Variants in ESR2 observed in about 807,000 individuals in gnomAD.
ESR2 encodes the protein estrogen receptor beta.
Under a neutral mutation model 49.6 loss-of-function variants are expected in ESR2, and 36 were observed. That is an observed-to-expected ratio of 0.73 (90% CI 0.56 to 0.96). The LOEUF is 0.96. Among genes scored for constraint, ESR2 ranks in the 40% least tolerant of loss-of-function variants. ESR2 has a pLI of 0.00. For missense variants in ESR2, 714 were observed against 693.0 expected (o/e 1.03, Z -0.34); for synonymous variants, 320 against 266.1 (o/e 1.20, Z -1.97).
At chr14:64,259,753 C>T (rs1458645707) in intron 5 of ESR2, among the ~76,000 whole-genome samples, 2 of 152,130 alleles carry the variant, frequency 1.3e-5, no homozygotes, top group South Asian at 2.1e-4. Flanking sequence ...CACTGATTTA[C>T]TCTGTTTGTC....
chr14:64,252,388 G>A (rs2076006964), intron 6 of ESR2, among the ~76,000 whole-genome samples: 1 of 151,650 alleles, frequency 6.6e-6, no homozygotes, highest in African/African-American at 2.4e-5. Flanking sequence ...CAACCAAACT[G>A]ACCTACTCAG....
intron 6 of ESR2, among the ~76,000 whole-genome samples, chr14:64,256,785 A>C (rs1804254540): frequency 6.6e-6 from 1 of 152,210 alleles, no homozygotes; most frequent in African/African-American, 2.4e-5. Context: ...AGAGTGAGTT[A>C]AAGCATGTGA....
At chr14:64,301,982 T>C (rs895696729) in intron 1 of ESR2, among the ~76,000 whole-genome samples, 1 of 151,786 alleles carries the variant, frequency 6.6e-6, no homozygotes, top group African/African-American at 2.4e-5. Flanking sequence ...AGTGAACGGA[T>C]TAAATGCCTG....
At chr14:64,319,529 G>C (rs2077300665) in intron 1 of ESR2, among the ~76,000 whole-genome samples, 1 of 152,118 alleles carries the variant, frequency 6.6e-6, no homozygotes, top group African/African-American at 2.4e-5. Flanking sequence ...AGATATATCT[G>C]ATAAAGGATT....
intron 1 of ESR2, among the ~76,000 whole-genome samples, chr14:64,289,883 C>G (rs2076843850): frequency 6.6e-6 from 1 of 152,194 alleles, no homozygotes; most frequent in African/African-American, 2.4e-5. Flanking sequence ...CATCCCTATT[C>G]TTCTTCCACC....
chr14:64,297,692 G>A (rs1010082974), upstream of ESR2: 3 of 152,224 alleles, frequency 2.0e-5, no homozygotes, highest in Non-Finnish European at 2.9e-5. Context: ...CCGTAGGAAA[G>A]AAACTACCAA....
intron 1 of ESR2, among the ~76,000 whole-genome samples, chr14:64,305,306 A>AAC (rs938166636): frequency 6.6e-6 from 1 of 151,402 alleles, no homozygotes; most frequent in African/African-American, 2.4e-5. Context: ...AAAAAAAAAA[A>AAC]AATTAATTAA....
At chr14:64,324,719 T>G (rs2077368267) in intron 1 of ESR2, among the ~76,000 whole-genome samples, 1 of 152,180 alleles carries the variant, frequency 6.6e-6, no homozygotes. Flanking sequence ...AAGAAGGAAA[T>G]ACTTCCTGAT....
chr14:64,257,421 T>G (rs1007139650), intron 5 of ESR2, 57 bp from the exon 6 acceptor site: 3 of 1,602,860 alleles, frequency 1.9e-6, no homozygotes, highest in African/African-American at 2.7e-5. Context: ...GCTCCCTGTG[T>G]GTGTAGAGAC....
chr14:64,280,116 C>T lies in ESR2; in HGVS notation c.400G>A (p.Ala134Thr), dbSNP rs774742997. ...GAACCTGGACCAGTAACAGGGCTGG[C>T]GCAACGGTTCCCACTAACCTTCCTT... The part of the protein sequence containing the change: ...LKRKVSGNRC[A>T]SPVTGPGSKR... Residue 134 changes from alanine to threonine, a missense_variant, in exon 3 of 9, where the codon GCC (alanine) becomes ACC (threonine). Coordinates refer to ENST00000341099, the MANE Select transcript of ESR2 (RefSeq NM_001437.3). 3.1e-5 allele frequency: 50 copies of T among 1,613,878 alleles called. No individual in the cohort carries two copies. The highest frequency in any genetic ancestry group is 1.6e-4 in the South Asian group (15 of 91,086).
rs1489920793 is a variant in ESR2 at position 64,268,854 on chromosome 14, C to G, written c.593G>C (p.Arg198Pro). 6.2e-7 allele frequency: 1 copy of G among 1,613,968 alleles called. No individual in the cohort carries two copies. Among genetic ancestry groups the G allele is most frequent in the Non-Finnish European group, 8.5e-7 (1 of 1,179,832 alleles). Reference sequence around the variant, plus strand: ...AAGTCGGCAGGCCTGGCAGCTCTTGCGCCGGTTTTTATCGATTGTACACTG... The same window carrying G: ...AAGTCGGCAGGCCTGGCAGCTCTTGGGCCGGTTTTTATCGATTGTACACTG... ...TNQCTIDKNR[R>P]KSCQACRLRK... The change falls in exon 4 of 9, where the codon CGC becomes CCC. Residue 198 changes from arginine (R) to proline (P), a missense_variant. By Grantham distance (103) the Arg-to-Pro change is moderately radical. Coordinates refer to ENST00000341099, the MANE Select transcript of ESR2 (RefSeq NM_001437.3).
chr14:64,299,613 C>G (rs1477399205), intron 1 of ESR2, among the ~76,000 whole-genome samples: 1 of 152,128 alleles, frequency 6.6e-6, no homozygotes, highest in Non-Finnish European at 1.5e-5. Flanking sequence ...CCACCCGCCT[C>G]CGCCTCCCAA....
chr14:64,265,395 A>G (rs982878017), intron 4 of ESR2, among the ~76,000 whole-genome samples: 12 of 152,198 alleles, frequency 7.9e-5, no homozygotes, highest in Admixed American at 4.6e-4. Flanking sequence ...ACTGTCTCCA[A>G]TGTACAGAAG....
Position 64,314,605 on chromosome 14 carries a change from C to T in ESR2, c.-91+23293G>A, listed in dbSNP as rs143639431. Among the ~76,000 whole-genome samples the T allele has an allele frequency of 3.0e-3, 458 of 151,946 alleles. 2 individuals carry two copies. Among genetic ancestry groups the T allele is most frequent in the South Asian group, 8.3e-3 (40 of 4,806 alleles). On this transcript the variant is annotated intron_variant, in intron 1 of 8. Transcript: ENST00000358599. ...AAAAATTAATAAAATCGGCTGGGCACGGTGGCTCACACCTGTAATCCCAGC... is the reference window on the plus strand; with the variant it reads ...AAAAATTAATAAAATCGGCTGGGCATGGTGGCTCACACCTGTAATCCCAGC...
intron 6 of ESR2, among the ~76,000 whole-genome samples, chr14:64,250,836 G>A (rs375438044): frequency 1.1e-4 from 17 of 152,184 alleles, no homozygotes; most frequent in East Asian, 1.9e-4. Flanking sequence ...GGCACTCACC[G>A]GGATCCTGCA....
At position 64,334,494 on chromosome 14, in the gene ESR2, C is replaced by G. The variant is rs1450228569; in HGVS notation, c.-91+3404G>C. On this transcript the variant is annotated intron_variant, in intron 1 of 8. Transcript: ENST00000358599. ...GCTGCTTTACTTCAGAGTGAATGAT[C>G]GAAGAGAGAGAACAAAAAGGAATTC... Among the ~76,000 whole-genome samples, 15 of 152,172 alleles carry G rather than the reference C, an allele frequency of 9.9e-5. No individual in the cohort carries two copies. In the East Asian group the frequency reaches 2.9e-3, roughly 29 times the overall value.
At chr14:64,234,910 C>T (rs752808007) in intron 8 of ESR2, 60 bp downstream of exon 8, 2 of 1,582,968 alleles carry the variant, frequency 1.3e-6, no homozygotes, top group African/African-American at 1.3e-5. Flanking sequence ...TCACTTCACC[C>T]TCCGTGGAGC....
intron 1 of ESR2, among the ~76,000 whole-genome samples, chr14:64,300,161 G>A (rs959429953): frequency 3.9e-5 from 6 of 152,160 alleles, no homozygotes; most frequent in Non-Finnish European, 8.8e-5. Flanking sequence ...CTACAATGTT[G>A]ATTTTATCAC....
intron 1 of ESR2, among the ~76,000 whole-genome samples, chr14:64,283,352 C>G (rs568580405): frequency 6.6e-6 from 1 of 151,536 alleles, no homozygotes; most frequent in African/African-American, 2.4e-5. Flanking sequence ...TCTTTAAAAC[C>G]AAAAAACACA....
Sources: gnomAD v4.1 joint callset for allele counts (sites outside exome capture counted in the v4.1 genomes callset) on GRCh38, gnomAD v4.1.1 for gene constraint, MANE v1.5 for transcripts, NCBI Gene and HGNC (gene_info 2026-07-23, HGNC 2026-07-21) for gene names.